DYNLL1: variants seen among roughly 807,000 people sequenced by gnomAD.
DYNLL1 encodes dynein light chain 1, cytoplasmic.
A neutral mutation model predicts 10.1 loss-of-function variants in DYNLL1; 3 were observed. The ratio of observed to expected loss-of-function variants is 0.30; its 90% confidence interval spans 0.14 to 0.77. The LOEUF (loss-of-function observed/expected upper bound fraction) is 0.77. Among genes scored for constraint, DYNLL1 ranks in the 30% least tolerant of loss-of-function variants. DYNLL1 has a pLI of 0.66. For synonymous variants in DYNLL1, 46 were observed against 41.2 expected (o/e 1.12, Z -0.45); for missense variants, 47 against 111.7 (o/e 0.42, Z 2.61).
At chr12:120,481,586 G>A (rs1038592383) in intron 1 of DYNLL1, among the ~76,000 whole-genome samples, 3 of 152,222 alleles carry the variant, frequency 2.0e-5, no homozygotes, top group East Asian at 1.9e-4. Context: ...GGCAAGGCAT[G>A]GGGCGGGGCA....
chr12:120,496,906 G>C (rs1868444001), intron 2 of DYNLL1: 1 of 466,802 alleles, frequency 2.1e-6, no homozygotes, highest in Non-Finnish European at 3.8e-6. Context: ...TTTCCAGCCG[G>C]GCCGGGAGGA....
intron 1 of DYNLL1, among the ~76,000 whole-genome samples, chr12:120,485,796 G>A (rs371490463): frequency 2.0e-4 from 27 of 134,324 alleles, no homozygotes; most frequent in African/African-American, 6.7e-4. Flanking sequence ...AGGTACGATC[G>A]CACCACTACA....
chr12:120,494,966 T>G (rs970261233), upstream of DYNLL1, among the ~76,000 whole-genome samples: 1 of 152,244 alleles, frequency 6.6e-6, no homozygotes, highest in Non-Finnish European at 1.5e-5. Context: ...GATTCATTGA[T>G]CATTTACTAT....
At chr12:120,473,740 G>A (rs1029722998) in intron 1 of DYNLL1, among the ~76,000 whole-genome samples, 1 of 149,744 alleles carries the variant, frequency 6.7e-6, no homozygotes, top group African/African-American at 2.5e-5. Context: ...GCATGGTAAC[G>A]TGCACCTGTG....
At chr12:120,478,745 G>C (rs1878811008) in intron 1 of DYNLL1, among the ~76,000 whole-genome samples, 1 of 150,490 alleles carries the variant, frequency 6.6e-6, no homozygotes, top group Admixed American at 6.6e-5. Context: ...GAGTGCAATG[G>C]CACAATCTTG....
At chr12:120,478,353 C>T (rs376065662) in intron 1 of DYNLL1, among the ~76,000 whole-genome samples, 1 of 150,708 alleles carries the variant, frequency 6.6e-6, no homozygotes, top group Non-Finnish European at 1.5e-5. Flanking sequence ...GTGATCCGCC[C>T]GCCTCGACCT....
chr12:120,470,520 G>A (rs972066709), intron 1 of DYNLL1, among the ~76,000 whole-genome samples: 3 of 152,164 alleles, frequency 2.0e-5, no homozygotes, highest in Admixed American at 6.5e-5. Flanking sequence ...AGGCTGGAGT[G>A]CAATGGCGCG....
At position 120,473,325 on chromosome 12, in the gene DYNLL1, G is replaced by A. The variant is rs1482437478; in HGVS notation, c.-7+3221G>A. ...AGTAATCCCAGCACTTTGGGAGGCTGAGGCAGGAGGATGGCTTGAGTCCAG... is the reference window on the plus strand; with the variant it reads ...AGTAATCCCAGCACTTTGGGAGGCTAAGGCAGGAGGATGGCTTGAGTCCAG... On this transcript the variant is annotated intron_variant, in intron 1 of 2. Transcript: ENST00000392509. 2.0e-5 allele frequency among the ~76,000 whole-genome samples: 3 copies of A among 151,984 alleles called. No individual in the cohort carries two copies. The East Asian group carries it at 5.8e-4, about 29-fold the overall frequency.
At chr12:120,496,716 G>T in intron 2 of DYNLL1, 163 bp downstream of exon 2, 1 of 1,062,828 alleles carries the variant, frequency 9.4e-7, no homozygotes, top group Non-Finnish European at 1.4e-6. Flanking sequence ...CTCCTGTGGA[G>T]AAGACCAGAC....
At chr12:120,488,430 C>G (rs547661743) in intron 1 of DYNLL1, 1 of 152,394 alleles carries the variant, frequency 6.6e-6, no homozygotes, top group East Asian at 1.9e-4. Context: ...AGCTCTCACA[C>G]CAGCCTATCT....
chr12:120,486,938 G>A (rs1054498060), intron 1 of DYNLL1, among the ~76,000 whole-genome samples: 2 of 151,824 alleles, frequency 1.3e-5, no homozygotes, highest in African/African-American at 4.8e-5. Context: ...GGATTCAGGA[G>A]GATGAGAGAG....
Position 120,498,334 on chromosome 12 carries a change from G to A in DYNLL1, c.*124G>A, listed in dbSNP as rs1868536781. 9 of 1,268,020 alleles carry A rather than the reference G, an allele frequency of 7.1e-6. No homozygotes were observed. Among genetic ancestry groups the A allele is most frequent in the Non-Finnish European group, 8.5e-6 (8 of 936,600 alleles). 78.5% of individuals were successfully genotyped at this position (1,268,020 alleles called of 1,614,324 possible). On this transcript the variant is annotated 3_prime_UTR_variant, in exon 3 of 3. Coordinates refer to ENST00000242577, the MANE Select transcript of DYNLL1 (RefSeq NM_003746.3). ...GGAACATCTCGATGTTTGAACCTTT[G>A]TTGTGTTTTGTACAGGGCATTCTCT...
At chr12:120,486,109 A>T (rs934513018) in intron 1 of DYNLL1, among the ~76,000 whole-genome samples, 4 of 152,192 alleles carry the variant, frequency 2.6e-5, no homozygotes, top group Non-Finnish European at 5.9e-5. Flanking sequence ...AATGGCTGTG[A>T]CATTGAGTTT....
At chr12:120,477,089 T>C (rs1295430955) in intron 1 of DYNLL1, among the ~76,000 whole-genome samples, 1 of 151,646 alleles carries the variant, frequency 6.6e-6, no homozygotes, top group Non-Finnish European at 1.5e-5. Context: ...GCCACCACAC[T>C]TGGATAATTT....
At chr12:120,470,568 G>T (rs1878624807) in intron 1 of DYNLL1, among the ~76,000 whole-genome samples, 1 of 152,134 alleles carries the variant, frequency 6.6e-6, no homozygotes, top group Non-Finnish European at 1.5e-5. Context: ...GCTGGACTCA[G>T]GTGATCCTCC....
chr12:120,477,590 A>C (rs1878783500), intron 1 of DYNLL1, among the ~76,000 whole-genome samples: 1 of 151,898 alleles, frequency 6.6e-6, no homozygotes, highest in South Asian at 2.1e-4. Context: ...TCTCTACAAA[A>C]AAAATAAATA....
At chr12:120,470,486 A>G (rs1027722862) in intron 1 of DYNLL1, among the ~76,000 whole-genome samples, 3 of 152,010 alleles carry the variant, frequency 2.0e-5, no homozygotes, top group African/African-American at 4.8e-5. Context: ...TTTGTTTTTG[A>G]TACAGGGTCT....
At chr12:120,477,949 G>A (rs1175793151) in intron 1 of DYNLL1, among the ~76,000 whole-genome samples, 1 of 151,642 alleles carries the variant, frequency 6.6e-6, no homozygotes, top group Admixed American at 6.6e-5. Context: ...CACCATGCCT[G>A]GCTAATTTTT....
intron 1 of DYNLL1, among the ~76,000 whole-genome samples, chr12:120,479,537 A>G (rs1292686927): frequency 1.3e-5 from 2 of 152,026 alleles, no homozygotes; most frequent in African/African-American, 4.8e-5. Flanking sequence ...ATGTGCTACA[A>G]GAAATTCAGG....
Sources: allele counts gnomAD v4.1 joint callset (sites outside exome capture counted in the v4.1 genomes callset), GRCh38; gene constraint gnomAD v4.1.1; transcripts MANE v1.5; gene names NCBI Gene and HGNC (gene_info 2026-07-23, HGNC 2026-07-21).